The following CERT1 variants were observed in gnomAD, a reference collection of about 807,000 sequenced individuals.
CERT1 encodes ceramide transporter 1.
CERT1 carries 31 observed loss-of-function variants against 87.9 expected under a neutral mutation model. The ratio of observed to expected loss-of-function variants is 0.35; its 90% CI spans 0.27 to 0.48. The LOEUF (loss-of-function observed/expected upper bound fraction) is 0.48. CERT1 is among the 20% of genes least tolerant of loss of function. CERT1 has a pLI of 0.99. For synonymous variants in CERT1, 289 were observed against 250.9 expected, an observed-to-expected ratio of 1.15 and a Z score of -1.44; for missense variants, 487 against 758.0, an observed-to-expected ratio of 0.64 and a Z score of 4.20.
intron 1 of CERT1, among the ~76,000 whole-genome samples, chr5:75,510,545 T>C (rs1327087447): frequency 6.6e-6 from 1 of 152,170 alleles, no homozygotes; most frequent in African/African-American, 2.4e-5. Context: ...ATGTGCCGAT[T>C]CAATATCTCT....
At chr5:75,426,327 C>A (rs1763615096) in intron 4 of CERT1, 44 bp downstream of exon 4, 1 of 1,363,348 alleles carries the variant, frequency 7.3e-7, no homozygotes, top group South Asian at 1.2e-5. Flanking sequence ...CAATACTAAA[C>A]TCAATTTATG....
chr5:75,376,222 A>C (rs1171403818), downstream of CERT1: 1 of 152,212 alleles, frequency 6.6e-6, no homozygotes, highest in African/African-American at 2.4e-5. Flanking sequence ...ATTCTTCTCA[A>C]ATATAATTGA....
chr5:75,507,886 C>A (rs1767726837), intron 1 of CERT1, among the ~76,000 whole-genome samples: 1 of 152,168 alleles, frequency 6.6e-6, no homozygotes, highest in African/African-American at 2.4e-5. Flanking sequence ...AAAAGCTGCT[C>A]ATCTTTCCTT....
chr5:75,438,988 C>G (rs1764203009), intron 3 of CERT1, among the ~76,000 whole-genome samples: 1 of 150,706 alleles, frequency 6.6e-6, no homozygotes, highest in South Asian at 2.1e-4. Context: ...CTTTTGGCCA[C>G]TAGAGGAGGT....
At chr5:75,384,587 T>C (rs926110992) in intron 14 of CERT1, 55 bp downstream of exon 14, 10 of 1,228,504 alleles carry the variant, frequency 8.1e-6, no homozygotes, top group Admixed American at 3.8e-5. Context: ...AGAATCTATA[T>C]GTCTGAGTTT....
intron 2 of CERT1, among the ~76,000 whole-genome samples, chr5:75,491,661 A>G (rs2112429401): frequency 6.6e-6 from 1 of 152,326 alleles, no homozygotes; most frequent in Non-Finnish European, 1.5e-5. Flanking sequence ...ATGTAGGACC[A>G]CTGCACTTGA....
chr5:75,436,874 T>C (rs1405010178), intron 3 of CERT1, among the ~76,000 whole-genome samples: 2 of 152,204 alleles, frequency 1.3e-5, no homozygotes, highest in Non-Finnish European at 2.9e-5. Context: ...GCTCAGACAA[T>C]CCTCCCATCT....
chr5:75,498,046 C>A (rs1767157582), intron 2 of CERT1, among the ~76,000 whole-genome samples: 1 of 152,168 alleles, frequency 6.6e-6, no homozygotes, highest in Non-Finnish European at 1.5e-5. Context: ...TTGTTGGGAA[C>A]TGGAGCAAAG....
intron 12 of CERT1, among the ~76,000 whole-genome samples, chr5:75,388,598 GCA>G (rs1491300718): frequency 1.9e-5 from 1 of 52,454 alleles, no homozygotes; most frequent in Non-Finnish European, 3.9e-5. Flanking sequence ...TAGCATGCAT[GCA>G]TATATATATA....
At position 75,384,016 on chromosome 5, in the gene CERT1, T is replaced by G. The variant is rs1301572577; in HGVS notation, c.1488+626A>C. 2.0e-5 allele frequency among the ~76,000 whole-genome samples: 3 copies of G among 152,318 alleles called. No individual in the cohort carries two copies. The East Asian group carries it at 5.8e-4, about 29-fold the overall frequency. ...GTATGACTAACCTCTCAAGTCACGC[T>G]CTGTGATTTTTCTTTGCTTTCAGAT... On this transcript the variant is annotated intron_variant, in intron 14 of 16. Transcript: ENST00000643780.
chr5:75,452,038 T>C (rs753444384), intron 3 of CERT1, among the ~76,000 whole-genome samples: 3 of 152,190 alleles, frequency 2.0e-5, no homozygotes, highest in Non-Finnish European at 2.9e-5. Flanking sequence ...CAAAAAGTGT[T>C]TTCCACATAA....
At chr5:75,403,655 AC>A (rs1762591991) in intron 8 of CERT1, among the ~76,000 whole-genome samples, 1 of 152,238 alleles carries the variant, frequency 6.6e-6, no homozygotes, top group Non-Finnish European at 1.5e-5. Flanking sequence ...CTTCCTAAGC[AC>A]AGGTAATTGT....
chr5:75,456,834 G>A (rs1357613166), intron 3 of CERT1, among the ~76,000 whole-genome samples: 1 of 152,054 alleles, frequency 6.6e-6, no homozygotes, highest in Non-Finnish European at 1.5e-5. Context: ...GTTCAAAGAT[G>A]TAAAGAAATC....
intron 14 of CERT1, among the ~76,000 whole-genome samples, chr5:75,382,730 C>T (rs2111999608): frequency 6.6e-6 from 1 of 151,438 alleles, no homozygotes; most frequent in African/African-American, 2.4e-5. Flanking sequence ...TGGACTAGTC[C>T]TTGTTATGCA....
intron 3 of CERT1, among the ~76,000 whole-genome samples, chr5:75,431,877 A>T (rs1407988469): frequency 6.6e-6 from 1 of 152,166 alleles, no homozygotes; most frequent in Non-Finnish European, 1.5e-5. Context: ...TGATGAACAT[A>T]CACATGCATG....
intron 9 of CERT1, chr5:75,401,043 A>C (rs1170164961): frequency 6.6e-6 from 1 of 152,222 alleles, no homozygotes; most frequent in Non-Finnish European, 1.5e-5. Context: ...TATACACTGA[A>C]TATGAAGAGG....
chr5:75,497,297 A>G (rs1016458518), intron 2 of CERT1, among the ~76,000 whole-genome samples: 3 of 152,216 alleles, frequency 2.0e-5, no homozygotes, highest in African/African-American at 7.2e-5. Context: ...AACATTTCAC[A>G]AAATAAATTT....
chr5:75,407,877 C>A (rs1001597686), intron 8 of CERT1, among the ~76,000 whole-genome samples: 37 of 116,314 alleles, frequency 3.2e-4, no homozygotes, highest in Middle Eastern at 5.5e-3. Context: ...TTTTTTGGCA[C>A]AATTGTTTTT....
intron 2 of CERT1, among the ~76,000 whole-genome samples, chr5:75,501,975 T>C (rs1172340392): frequency 6.6e-6 from 1 of 151,348 alleles, no homozygotes; most frequent in African/African-American, 2.4e-5. Context: ...TCAATAAGAG[T>C]ATGTAAAAAT....
Sources: allele counts gnomAD v4.1 joint callset (sites outside exome capture counted in the v4.1 genomes callset), GRCh38; gene constraint gnomAD v4.1.1; transcripts MANE v1.5; gene names NCBI Gene and HGNC (gene_info 2026-07-23, HGNC 2026-07-21).